PHF3: variants seen among roughly 807,000 people sequenced by gnomAD.
PHF3 encodes the protein PHD finger protein 3.
In PHF3, 41 loss-of-function variants were observed where a neutral mutation model predicts 178.4. The ratio of observed to expected loss-of-function variants is 0.23; its 90% CI spans 0.18 to 0.30. The LOEUF is 0.30. PHF3 is among the 10% of genes least tolerant of loss of function. The pLI, the probability that PHF3 is intolerant of heterozygous loss-of-function variation, is 1.00. For synonymous variants in PHF3, 842 were observed against 800.5 expected (o/e 1.05, Z -0.88); for missense variants, 2,346 against 2,398.1 (o/e 0.98, Z 0.45).
chr6:63,688,822 T>C (rs1354504293), intron 4 of PHF3, among the ~76,000 whole-genome samples: 1 of 152,232 alleles, frequency 6.6e-6, no homozygotes, highest in Non-Finnish European at 1.5e-5. Context: ...ATAATTTTGA[T>C]CCTTCTCTTT....
Position 63,641,134 on chromosome 6 carries a change from G to A in PHF3, c.-26+4984G>A, listed in dbSNP as rs530149818. ...TTTGTTTTTGGTAAGCATGCCTGAT[G>A]AAATTGCTTATTTTAAACGATGGTA... is the stretch of plus-strand genomic sequence containing the variant. On this transcript the variant is annotated intron_variant, in intron 1 of 15. Coordinates refer to ENST00000262043, the MANE Select transcript of PHF3 (RefSeq NM_001370348.2). 9.2e-5 allele frequency among the ~76,000 whole-genome samples: 14 copies of A among 152,344 alleles called. No homozygotes were observed. The South Asian group carries it at 2.9e-3, about 32-fold the overall frequency.
chr6:63,680,191 A>G, intron 3 of PHF3, 30 bp downstream of exon 3: 1 of 1,555,330 alleles, frequency 6.4e-7, no homozygotes. Context: ...CTAGCTAGAA[A>G]ATTAGAGGTA....
chr6:63,713,205 T>C lies in PHF3; in HGVS notation c.5617T>C (p.Ser1873Pro). The C allele has an allele frequency of 6.2e-7, 1 of 1,614,052 alleles. No individual in the cohort carries two copies. The highest frequency in any genetic ancestry group is 8.5e-7 in the Non-Finnish European group (1 of 1,179,990). ...GCCACAGCGTATGATGGGTCCTCTC[T>C]CACAAGCATCAAGGTATATAGGCCC... is the stretch of plus-strand genomic sequence containing the variant. ...GQPQRMMGPL[S>P]QASRYIGPQN... The change falls in exon 16 of 16, where the codon TCA becomes CCA. Residue 1873 changes from serine to proline, a missense_variant. Ser to Pro is a moderately conservative substitution (Grantham distance 74, BLOSUM62 -1). Coordinates refer to ENST00000262043, the MANE Select transcript of PHF3 (RefSeq NM_001370348.2).
chr6:63,676,494 A>G (rs183451653), intron 2 of PHF3, among the ~76,000 whole-genome samples: 126 of 152,342 alleles, frequency 8.3e-4, no homozygotes, highest in African/African-American at 2.9e-3. Flanking sequence ...AGTTATGGGT[A>G]TTTGGGAGAA....
chr6:63,672,768 T>C (rs1765976099), intron 2 of PHF3, among the ~76,000 whole-genome samples: 3 of 152,208 alleles, frequency 2.0e-5, no homozygotes, highest in Admixed American at 2.0e-4. Flanking sequence ...CTTGGGAGTA[T>C]GTGCCTGTAA....
At position 63,713,000 on chromosome 6, in the gene PHF3, CCTT is replaced by C. The variant is rs766344031; in HGVS notation, c.5414_5416del (p.Leu1805del). ...CACCCATGAGGCCACAGCAGCCCAA[CCTT>C]CAGCATCTCAAGTCTAGCCCACCTG... is the stretch of plus-strand genomic sequence containing the variant. On this transcript the variant is annotated inframe_deletion, in exon 16 of 16. Coordinates refer to ENST00000262043, the MANE Select transcript of PHF3 (RefSeq NM_001370348.2). 1.2e-5 allele frequency: 19 copies of C among 1,614,038 alleles called. No individual in the cohort carries two copies. Among genetic ancestry groups the C allele is most frequent in the Non-Finnish European group, 1.5e-5 (18 of 1,179,960 alleles).
intron 1 of PHF3, among the ~76,000 whole-genome samples, chr6:63,640,133 G>T (rs912161183): frequency 6.6e-6 from 1 of 152,138 alleles, no homozygotes; most frequent in African/African-American, 2.4e-5. Context: ...CTTGCCAATA[G>T]ATTCTAACTA....
In PHF3 at chr6:63,718,020, C is replaced by T. The variant is rs938089861; in HGVS notation, c.*4312C>T. On this transcript the variant is annotated 3_prime_UTR_variant, in exon 16 of 16. Transcript: ENST00000262043. ...TGGAAAAGCATTTCACATAGGAAAT[C>T]GTCAACACCATTATCACCAGGATAG... Among the ~76,000 whole-genome samples, 8 of 151,946 alleles carry T rather than the reference C, an allele frequency of 5.3e-5. No homozygotes were observed. Among genetic ancestry groups the T allele is most frequent in the Admixed American group, 1.3e-4 (2 of 15,218 alleles).
At chr6:63,698,869 A>G (rs542868491) in intron 8 of PHF3, among the ~76,000 whole-genome samples, 3 of 152,250 alleles carry the variant, frequency 2.0e-5, no homozygotes, top group East Asian at 3.9e-4. Context: ...ATATAATACA[A>G]TTTATTAAAA....
chr6:63,678,582 T>TC (rs2149576323), intron 2 of PHF3, among the ~76,000 whole-genome samples: 1 of 151,918 alleles, frequency 6.6e-6, no homozygotes, highest in Admixed American at 6.5e-5. Context: ...TTTCTGCCAA[T>TC]CTTTTTTTTT....
Position 63,692,071 on chromosome 6 carries a change from GTTTA to G in PHF3, c.2496+33_2496+36del, listed in dbSNP as rs140131102. ...GAGCTCTTCATTAATGCATTATTTT[GTTTA>G]TTTAAGAGCTTTTTGTATGGACTGA... On this transcript the variant is annotated intron_variant, in intron 5 of 15. Transcript: ENST00000262043. 9,320 of 1,507,352 alleles carry G rather than the reference GTTTA, an allele frequency of 6.2e-3. 46 individuals carry two copies. Among genetic ancestry groups the G allele is most frequent in the Non-Finnish European group, 7.6e-3 (8,512 of 1,113,332 alleles). The allele number at this position is 1,507,352 out of a possible 1,614,324, so 93.4% of individuals were successfully genotyped here.
Position 63,665,486 on chromosome 6 carries a change from G to GTTTTTTTTTT in PHF3, c.245-14505_245-14496dup, listed in dbSNP as rs11427203. ...CTGTTTCGCTTTGTGGTTTTTTTTTGTTTTTTTTTTTTTTTTTTGAGACAG... is the reference window on the plus strand; with the variant it reads ...CTGTTTCGCTTTGTGGTTTTTTTTTGTTTTTTTTTTTTTTTTTTTTTTTTTTTTGAGACAG... On this transcript the variant is annotated intron_variant, in intron 2 of 15. Transcript: ENST00000262043. Among the ~76,000 whole-genome samples, 108 of 111,178 alleles carry GTTTTTTTTTT rather than the reference G, an allele frequency of 9.7e-4. 1 individual carries two copies. Among genetic ancestry groups the GTTTTTTTTTT allele is most frequent in the East Asian group, 1.9e-3 (7 of 3,762 alleles). 72.9% of individuals were successfully genotyped at this position (111,178 alleles called of 152,430 possible). A position where few individuals can be genotyped will look rare whatever the true frequency, so the allele number is the denominator to read the frequency against.
chr6:63,652,510 T>C (rs1031908392), intron 2 of PHF3, among the ~76,000 whole-genome samples: 1 of 152,210 alleles, frequency 6.6e-6, no homozygotes, highest in Admixed American at 6.5e-5. Context: ...CTGTTTATTG[T>C]TTCCTTTGCT....
In PHF3 at chr6:63,714,479, A is replaced by G. The variant is rs1427766506; in HGVS notation, c.*771A>G. ...ATTTTGTGTGTGTGACTTGAAATTC[A>G]GTAGTAAAAGAATTTCTTCTTTAAA... On this transcript the variant is annotated 3_prime_UTR_variant, in exon 16 of 16. Transcript: ENST00000262043. 1 of 152,620 alleles carries G rather than the reference A, an allele frequency of 6.6e-6. No individual in the cohort carries two copies. Among genetic ancestry groups the G allele is most frequent in the Non-Finnish European group, 1.5e-5 (1 of 68,012 alleles). 9.5% of individuals were successfully genotyped at this position (152,620 alleles called of 1,614,324 possible).
At chr6:63,710,973 A>G (rs188671994) in intron 14 of PHF3, among the ~76,000 whole-genome samples, 194 bp from the exon 15 acceptor site, 14 of 152,316 alleles carry the variant, frequency 9.2e-5, no homozygotes, top group African/African-American at 3.4e-4. Context: ...AAATCCATCA[A>G]TGGATCAGTA....
intron 3 of PHF3, among the ~76,000 whole-genome samples, 175 bp downstream of exon 3, chr6:63,680,336 C>T (rs1473201538): frequency 6.6e-6 from 1 of 151,620 alleles, no homozygotes; most frequent in East Asian, 1.9e-4. Flanking sequence ...CAGTACCCAC[C>T]ACCCCACACT....
At chr6:63,658,426 A>T (rs948713071) in intron 2 of PHF3, among the ~76,000 whole-genome samples, 1 of 151,738 alleles carries the variant, frequency 6.6e-6, no homozygotes, top group Non-Finnish European at 1.5e-5. Context: ...GGGTGGGGAG[A>T]GAAATAAAGA....
At chr6:63,693,206 C>T (rs1767081509) in intron 5 of PHF3, among the ~76,000 whole-genome samples, 1 of 152,154 alleles carries the variant, frequency 6.6e-6, no homozygotes, top group Non-Finnish European at 1.5e-5. Flanking sequence ...TTATTATTAA[C>T]TAGTATTAAT....
At chr6:63,659,892 A>G (rs1413850454) in intron 2 of PHF3, among the ~76,000 whole-genome samples, 1 of 152,184 alleles carries the variant, frequency 6.6e-6, no homozygotes, top group Non-Finnish European at 1.5e-5. Flanking sequence ...GAGGTTATTA[A>G]TATGTAAGTC....
Sources: allele counts gnomAD v4.1 joint callset (sites outside exome capture counted in the v4.1 genomes callset), GRCh38; gene constraint gnomAD v4.1.1; transcripts MANE v1.5; gene names NCBI Gene and HGNC (gene_info 2026-07-23, HGNC 2026-07-21).